Variants in ZC3H4 observed in about 807,000 individuals in gnomAD.
ZC3H4 encodes zinc finger CCCH-type containing 4.
Under a neutral mutation model 108.3 loss-of-function variants are expected in ZC3H4, and 13 were observed. That is an observed-to-expected ratio of 0.12 (90% CI 0.08 to 0.19). The LOEUF (loss-of-function observed/expected upper bound fraction) is 0.19, where lower values mean the gene tolerates loss of function less well. ZC3H4 is among the 10% of genes least tolerant of loss of function. ZC3H4 has a pLI of 1.00. For missense variants in ZC3H4, 1,734 were observed against 1,838.8 expected, an observed-to-expected ratio of 0.94 and a Z score of 1.04; for synonymous variants, 917 against 749.6, an observed-to-expected ratio of 1.22 and a Z score of -3.65.
chr19:47,112,487 G>T lies in ZC3H4; in HGVS notation c.98C>A (p.Ser33Tyr), dbSNP rs772454994. 7.9e-5 allele frequency: 91 copies of T among 1,157,264 alleles called. No individual in the cohort carries two copies. The highest frequency in any genetic ancestry group is 9.4e-5 in the Non-Finnish European group (86 of 911,936). The allele number at this position is 1,157,264 out of a possible 1,614,324, so 71.7% of individuals were successfully genotyped here. Residue 33 changes from serine to tyrosine, a missense_variant, in exon 2 of 15, where the codon TCC becomes TAC. Ser to Tyr is a moderately radical substitution (Grantham distance 144, BLOSUM62 -2). Coordinates refer to ENST00000253048, the MANE Select transcript of ZC3H4 (RefSeq NM_015168.2). ...CGGGGTGGCCGGGCGGGCGTCGGGG[G>T]AACACGGAGGAGGCGAAGGCGTTGA... ...PPSTPSPPPCSPDARPATPHL... is the reference protein window; with the variant it reads ...PPSTPSPPPCYPDARPATPHL...
intron 2 of ZC3H4, among the ~76,000 whole-genome samples, chr19:47,101,658 A>G (rs2057905386): frequency 6.6e-6 from 1 of 151,886 alleles, no homozygotes; most frequent in Non-Finnish European, 1.5e-5. Context: ...GGATCACTAG[A>G]TCAGGAGTTC....
At chr19:47,102,844 A>G (rs935887297) in intron 2 of ZC3H4, among the ~76,000 whole-genome samples, 1 of 151,950 alleles carries the variant, frequency 6.6e-6, no homozygotes, top group African/African-American at 2.4e-5. Flanking sequence ...GTGAAATTCC[A>G]AAGTCCCCTA....
At chr19:47,098,784 A>C (rs1025512546) in intron 2 of ZC3H4, among the ~76,000 whole-genome samples, 8 of 152,186 alleles carry the variant, frequency 5.3e-5, no homozygotes, top group African/African-American at 1.9e-4. Flanking sequence ...AAACAAAACA[A>C]AAGATATTTC....
In ZC3H4 at chr19:47,086,326, C is replaced by T. The variant is rs911061468; in HGVS notation, c.870+58G>A. 37 of 1,603,250 alleles carry T rather than the reference C, an allele frequency of 2.3e-5. No homozygotes were observed. In the African/African-American group the frequency reaches 2.7e-4, roughly 12 times the overall value. ...TCACAGCCTCTACCAGCAGTGCTCA[C>T]GCCCCGGAAAGCCCACCAGCCTCAC... On this transcript the variant is annotated intron_variant, in intron 6 of 14. Transcript: ENST00000253048.
At position 47,086,258 on chromosome 19, in the gene ZC3H4, C is replaced by A. The variant is rs534885360; in HGVS notation, c.870+126G>T. 1.2e-4 allele frequency: 127 copies of A among 1,086,760 alleles called. No homozygotes were observed. The African/African-American group carries it at 1.7e-3, about 15-fold the overall frequency. The allele number at this position is 1,086,760 out of a possible 1,614,324, so 67.3% of individuals were successfully genotyped here. Reference sequence around the variant, plus strand: ...AAACACATACATCTGCGCTCTGAGGCTTCCCTTCCTTCAGAAGGGCCGTAT... The same window carrying A: ...AAACACATACATCTGCGCTCTGAGGATTCCCTTCCTTCAGAAGGGCCGTAT... On this transcript the variant is annotated intron_variant, in intron 6 of 14. Transcript: ENST00000253048.
At position 47,086,371 on chromosome 19, in the gene ZC3H4, G is replaced by C. The variant is rs753234026; in HGVS notation, c.870+13C>G. 1.6e-5 allele frequency: 26 copies of C among 1,613,320 alleles called. No individual in the cohort carries two copies. The highest frequency in any genetic ancestry group is 1.1e-5 in the Non-Finnish European group (13 of 1,179,822). On this transcript the variant is annotated intron_variant, in intron 6 of 14. Coordinates refer to ENST00000253048, the MANE Select transcript of ZC3H4 (RefSeq NM_015168.2). ...CCTCACCCCGACGTCCCCAGGGCCA[G>C]AGGAAACCTTACGTCCATCTCTTCC...
intron 11 of ZC3H4, among the ~76,000 whole-genome samples, chr19:47,076,108 C>G (rs1481123942): frequency 6.6e-6 from 1 of 152,234 alleles, no homozygotes; most frequent in Admixed American, 6.5e-5. Context: ...TGAATAAGCT[C>G]CAGGCCACTG....
intron 2 of ZC3H4, chr19:47,096,722 G>T: frequency 1.2e-6 from 1 of 830,202 alleles, no homozygotes; most frequent in Non-Finnish European, 1.5e-6. Context: ...AAGTCTAGAA[G>T]GGATAAAGCT....
chr19:47,075,224 G>A (rs2057398864), intron 11 of ZC3H4, among the ~76,000 whole-genome samples: 1 of 152,148 alleles, frequency 6.6e-6, no homozygotes, highest in Non-Finnish European at 1.5e-5. Flanking sequence ...TCCAGGGGTG[G>A]TCAGCGTGTG....
chr19:47,084,916 T>G (rs2057588798), intron 8 of ZC3H4, 140 bp downstream of exon 8: 2 of 1,135,580 alleles, frequency 1.8e-6, no homozygotes, highest in South Asian at 1.4e-5. Context: ...TGTCGCTGGT[T>G]ATGCTGGTCA....
At chr19:47,112,008 G>A in intron 2 of ZC3H4, 1 of 541,826 alleles carries the variant, frequency 1.8e-6, no homozygotes, top group Non-Finnish European at 2.4e-6. Flanking sequence ...GAAGCCAGGC[G>A]ACGGGCAAGC....
At chr19:47,093,527 T>C (rs1875632617) in intron 4 of ZC3H4, among the ~76,000 whole-genome samples, 1 of 152,072 alleles carries the variant, frequency 6.6e-6, no homozygotes, top group Non-Finnish European at 1.5e-5. Flanking sequence ...CTCATGGAGG[T>C]CAGCTAGGGC....
rs996877923 is a variant in ZC3H4 at position 47,065,986 on chromosome 19, T to C, written c.*370A>G. The stretch of plus-strand genomic sequence containing the variant: ...CAGACACCAACTGTTCCCTTTGTCC[T>C]GGGGAAAAGGGGCCATGCTTTGCCC... On this transcript the variant is annotated 3_prime_UTR_variant, in exon 15 of 15. Transcript: ENST00000253048. The C allele has an allele frequency of 5.6e-5, 10 of 179,242 alleles. No homozygotes were observed. The highest frequency in any genetic ancestry group is 1.0e-4 in the Non-Finnish European group (9 of 86,746). The allele number at this position is 179,242 out of a possible 1,614,324, so 11.1% of individuals were successfully genotyped here. A position where few individuals can be genotyped will look rare whatever the true frequency, so the allele number is the denominator to read the frequency against.
chr19:47,072,157 C>T lies in ZC3H4; in HGVS notation c.1803-36G>A. The T allele has an allele frequency of 6.7e-7, 1 of 1,486,142 alleles. No individual in the cohort carries two copies. The highest frequency in any genetic ancestry group is 8.9e-7 in the Non-Finnish European group (1 of 1,118,556). 92.1% of individuals were successfully genotyped at this position (1,486,142 alleles called of 1,614,324 possible). A position where few individuals can be genotyped will look rare whatever the true frequency, so the allele number is the denominator to read the frequency against. On this transcript the variant is annotated intron_variant, in intron 12 of 14. Coordinates refer to ENST00000253048, the MANE Select transcript of ZC3H4 (RefSeq NM_015168.2). This position sits in a 1 kb window ranked among gnomAD's most constrained non-coding sequence, Gnocchi z 5.6. ...GAAAAGGTGCCTGTGACGGAAGCTG[C>T]CGAGGAGGGCAGTGGCCACACCCCA...
At chr19:47,091,310 C>G (rs190286961) in intron 4 of ZC3H4, among the ~76,000 whole-genome samples, 1 of 152,238 alleles carries the variant, frequency 6.6e-6, no homozygotes, top group East Asian at 1.9e-4. Context: ...GTAGCTCACA[C>G]CTGTAATCCC....
rs1452302833 is a variant in ZC3H4 at position 47,072,153 on chromosome 19, G to A, written c.1803-32C>T. ...GAGGGAAAAGGTGCCTGTGACGGAA[G>A]CTGCCGAGGAGGGCAGTGGCCACAC... is the stretch of plus-strand genomic sequence containing the variant. On this transcript the variant is annotated intron_variant, in intron 12 of 14. Transcript: ENST00000253048. This position sits in a 1 kb window ranked among gnomAD's most constrained non-coding sequence, Gnocchi z 5.6. The A allele has an allele frequency of 2.7e-6, 4 of 1,491,802 alleles. No homozygotes were observed. Among genetic ancestry groups the A allele is most frequent in the Non-Finnish European group, 3.6e-6 (4 of 1,122,326 alleles). 92.4% of individuals were successfully genotyped at this position (1,491,802 alleles called of 1,614,324 possible).
At chr19:47,107,251 T>C (rs974769940) in intron 2 of ZC3H4, among the ~76,000 whole-genome samples, 3 of 152,228 alleles carry the variant, frequency 2.0e-5, no homozygotes, top group Non-Finnish European at 4.4e-5. Flanking sequence ...TACTTCTGTT[T>C]ATACACCAAC....
In ZC3H4 at chr19:47,066,982, T is replaced by C. The variant is rs1188288435; in HGVS notation, c.3286A>G (p.Lys1096Glu). The change falls in exon 15 of 15, where the codon AAG (lysine) becomes GAG (glutamate). Residue 1096 changes from lysine (K) to glutamate (E), a missense_variant. Physicochemically the swap from Lys to Glu is moderately conservative, Grantham distance 56. Around this residue, in one of 9 missense-constraint regions of ZC3H4, gnomAD observed 518 missense variants for 499.6 expected, o/e 1.04. Transcript: ENST00000253048. ...TDSTASSRAA[K>E]PGPAEAPSPT... Reference sequence around the variant, plus strand: ...GAGGGCGCCTCAGCAGGGCCGGGCTTGGCAGCCCGGGAGGAGGCCGTAGAG... The same window carrying C: ...GAGGGCGCCTCAGCAGGGCCGGGCTCGGCAGCCCGGGAGGAGGCCGTAGAG... 2 of 1,589,854 alleles carry C rather than the reference T, an allele frequency of 1.3e-6. No homozygotes were observed. The highest frequency in any genetic ancestry group is 1.7e-5 in the Admixed American group (1 of 57,334).
At chr19:47,100,782 T>A (rs1393258642) in intron 2 of ZC3H4, among the ~76,000 whole-genome samples, 1 of 152,108 alleles carries the variant, frequency 6.6e-6, no homozygotes, top group South Asian at 2.1e-4. Context: ...CACTGCAACC[T>A]TCGCCTCCTG....
Sources: gnomAD v4.1 joint callset for allele counts (sites outside exome capture counted in the v4.1 genomes callset) on GRCh38, gnomAD v4.1.1 for gene constraint, gnomAD v4.1.1 regional missense constraint, Gnocchi (gnomAD v3.1) non-coding constraint, MANE v1.5 for transcripts, NCBI Gene and HGNC (gene_info 2026-07-23, HGNC 2026-07-21) for gene names.